Variants in ADAM17 observed in about 807,000 individuals in gnomAD.
ADAM17 encodes the protein ADAM metallopeptidase domain 17.
A neutral mutation model predicts 96.7 loss-of-function variants in ADAM17; 39 were observed. The ratio of observed to expected loss-of-function variants is 0.40; its 90% CI spans 0.31 to 0.53. The LOEUF is 0.53. Ranked by LOEUF, ADAM17 falls within the 20% of genes least tolerant of loss-of-function variation. ADAM17 has a pLI of 0.44. For synonymous variants in ADAM17, 344 were observed against 359.2 expected, an observed-to-expected ratio of 0.96 and a Z score of 0.48; for missense variants, 777 against 1,013.2, an observed-to-expected ratio of 0.77 and a Z score of 3.17.
chr2:9,546,567 C>T (rs1476607408), intron 1 of ADAM17, among the ~76,000 whole-genome samples: 1 of 152,160 alleles, frequency 6.6e-6, no homozygotes, highest in East Asian at 1.9e-4. Flanking sequence ...TTATATTTCT[C>T]CCCATTTCCC....
intron 15 of ADAM17, among the ~76,000 whole-genome samples, 196 bp downstream of exon 15, chr2:9,494,441 C>T (rs2124965955): frequency 6.6e-6 from 1 of 152,296 alleles, no homozygotes; most frequent in Non-Finnish European, 1.5e-5. Context: ...AAGCCTCCCA[C>T]CACAGAAGGA....
At chr2:9,510,739 A>G (rs867804801) in intron 10 of ADAM17, among the ~76,000 whole-genome samples, 4 of 151,212 alleles carry the variant, frequency 2.6e-5, no homozygotes, top group African/African-American at 7.3e-5. Flanking sequence ...GGCTGAGGTG[A>G]GAGTATCACC....
chr2:9,510,992 C>T (rs1014061966), intron 10 of ADAM17, among the ~76,000 whole-genome samples: 1 of 152,086 alleles, frequency 6.6e-6, no homozygotes, highest in Non-Finnish European at 1.5e-5. Flanking sequence ...CATAACAAAA[C>T]ATCAAACCTT....
intron 13 of ADAM17, among the ~76,000 whole-genome samples, chr2:9,500,989 T>A (rs893354589): frequency 1.3e-5 from 2 of 152,148 alleles, no homozygotes; most frequent in Non-Finnish European, 2.9e-5. Context: ...GTTTAAAAAA[T>A]ACACACACAC....
At chr2:9,509,842 G>T in intron 11 of ADAM17, 137 bp downstream of exon 11, 1 of 1,137,840 alleles carries the variant, frequency 8.8e-7, no homozygotes, top group Non-Finnish European at 1.2e-6. Context: ...ACACAACCAC[G>T]TTTCAAGGTA....
chr2:9,533,880 CT>C (rs1664850078), intron 4 of ADAM17, among the ~76,000 whole-genome samples: 2 of 152,172 alleles, frequency 1.3e-5, no homozygotes, highest in South Asian at 4.1e-4. Flanking sequence ...TAAGAAAAAA[CT>C]TTGCTTGTGT....
intron 4 of ADAM17, among the ~76,000 whole-genome samples, chr2:9,528,805 C>A (rs1334950101): frequency 1.3e-5 from 2 of 152,192 alleles, no homozygotes; most frequent in Non-Finnish European, 2.9e-5. Context: ...AAGACAAATA[C>A]TGGTGAGGAT....
intron 2 of ADAM17, among the ~76,000 whole-genome samples, chr2:9,539,849 T>C (rs539771173): frequency 6.6e-6 from 1 of 152,318 alleles, no homozygotes; most frequent in East Asian, 1.9e-4. Flanking sequence ...TAAGTATTTA[T>C]CTACAAATGG....
At chr2:9,515,760 A>T (rs1223741741) in intron 10 of ADAM17, among the ~76,000 whole-genome samples, 1 of 151,698 alleles carries the variant, frequency 6.6e-6, no homozygotes, top group African/African-American at 2.4e-5. Flanking sequence ...AAGAAAAAAG[A>T]AAAAGAAAAG....
At position 9,506,386 on chromosome 2, in the gene ADAM17, T is replaced by TA. The variant is rs1553360316; in HGVS notation, c.1345-1022dup. 1.7e-3 allele frequency among the ~76,000 whole-genome samples: 252 copies of TA among 144,398 alleles called. 4 individuals are homozygous for TA. Among genetic ancestry groups the TA allele is most frequent in the African/African-American group, 6.3e-3 (236 of 37,490 alleles). 94.7% of individuals were successfully genotyped at this position (144,398 alleles called of 152,430 possible). A position where few individuals can be genotyped will look rare whatever the true frequency, so the allele number is the denominator to read the frequency against. On this transcript the variant is annotated intron_variant, in intron 11 of 18. Transcript: ENST00000310823. The stretch of plus-strand genomic sequence containing the variant: ...TTTTTTTTTTTTTTTTTTTTTTTTT[T>TA]AGATGGAGTCTTGCTCTGTCACCAG...
At chr2:9,515,797 C>CTGTTCCAT (rs1664029200) in intron 10 of ADAM17, among the ~76,000 whole-genome samples, 2 of 151,782 alleles carry the variant, frequency 1.3e-5, no homozygotes, top group Admixed American at 1.3e-4. Context: ...TCCAAAGTGG[C>CTGTTCCAT]TGTTCCATTT....
At position 9,491,094 on chromosome 2, in the gene ADAM17, T is replaced by C. The variant is rs760627744; in HGVS notation, c.2133+7A>G. On this transcript the variant is annotated splice_region_variant and intron_variant, in intron 18 of 18. Transcript: ENST00000310823. ...AAGATTATGTTTCTTTCATATGGTATACTTACACTGGGGTGAAACAGAGAC... is the reference window on the plus strand; with the variant it reads ...AAGATTATGTTTCTTTCATATGGTACACTTACACTGGGGTGAAACAGAGAC... 9 of 1,611,800 alleles carry C rather than the reference T, an allele frequency of 5.6e-6. No homozygotes were observed. The South Asian group carries it at 7.7e-5, about 14-fold the overall frequency.
chr2:9,498,197 TTTTC>T (rs144564737), intron 13 of ADAM17, among the ~76,000 whole-genome samples: 13,592 of 152,064 alleles, frequency 0.089, 685 homozygotes, highest in African/African-American at 0.14. Flanking sequence ...ACCTGGCTAA[TTTTC>T]TTTCTTTTTT....
chr2:9,499,547 G>A (rs1158963738), intron 13 of ADAM17, among the ~76,000 whole-genome samples: 17 of 151,910 alleles, frequency 1.1e-4, no homozygotes, highest in African/African-American at 7.3e-5. Context: ...GACTACAGGC[G>A]CCCGCCACCA....
intron 8 of ADAM17, among the ~76,000 whole-genome samples, chr2:9,520,960 G>A (rs1195187228): frequency 1.3e-4 from 3 of 22,376 alleles, no homozygotes; most frequent in Non-Finnish European, 4.6e-4. Context: ...GTGAAACTCT[G>A]TCTCAAAAAA....
chr2:9,518,902 G>A (rs977488660), intron 8 of ADAM17, among the ~76,000 whole-genome samples: 1 of 151,506 alleles, frequency 6.6e-6, no homozygotes, highest in African/African-American at 2.4e-5. Flanking sequence ...AATTTGGGGG[G>A]GGGGTTTGAT....
chr2:9,490,553 TAA>T (rs1662049691), intron 18 of ADAM17, 35 bp from the exon 19 acceptor site: 1 of 1,575,306 alleles, frequency 6.3e-7, no homozygotes, highest in African/African-American at 1.4e-5. Flanking sequence ...TTGATAGGAA[TAA>T]AAGATGAATC....
intron 11 of ADAM17, among the ~76,000 whole-genome samples, chr2:9,508,796 C>G (rs1006454041): frequency 1.3e-5 from 2 of 151,922 alleles, no homozygotes; most frequent in African/African-American, 4.8e-5. Context: ...ATTAGAAATG[C>G]AGAGACTATG....
chr2:9,491,684 C>G (rs1662165616), intron 17 of ADAM17, among the ~76,000 whole-genome samples: 1 of 152,210 alleles, frequency 6.6e-6, no homozygotes, highest in East Asian at 1.9e-4. Flanking sequence ...GAAGGCTAAC[C>G]ACATGGCCAT....
Sources: gnomAD v4.1 joint callset for allele counts (sites outside exome capture counted in the v4.1 genomes callset) on GRCh38, gnomAD v4.1.1 for gene constraint, MANE v1.5 for transcripts, NCBI Gene and HGNC (gene_info 2026-07-23, HGNC 2026-07-21) for gene names.